The following HDAC8 variants were observed in gnomAD, a reference collection of about 807,000 sequenced individuals.
The protein encoded by HDAC8 is histone deacetylase 8, also known as histone deacetylase-like 1.
In HDAC8, 1 loss-of-function variant was observed where a neutral mutation model predicts 32.2. The observed-to-expected ratio is 0.03, with a 90% CI of 0.01 to 0.15. The LOEUF is 0.15. Among genes scored for constraint, HDAC8 ranks in the 10% least tolerant of loss-of-function variants. HDAC8 has a pLI of 1.00. For synonymous variants in HDAC8, 108 were observed against 113.9 expected (o/e 0.95, Z 0.33); for missense variants, 117 against 300.0 (o/e 0.39, Z 4.51).
intron 4 of HDAC8, among the ~76,000 whole-genome samples, chrX:72,539,417 T>G (rs1280075525): frequency 9.4e-6 from 1 of 106,623 alleles, no homozygotes; most frequent in Non-Finnish European, 1.9e-5. Flanking sequence ...TTTTTTTGTA[T>G]TTTTAGTAGA....
chrX:72,526,796 C>A (rs782592395), intron 4 of HDAC8, among the ~76,000 whole-genome samples: 2 of 111,210 alleles, frequency 1.8e-5, no homozygotes, highest in South Asian at 3.9e-4. Context: ...AGACTGGCAA[C>A]CTTAGAGTCA....
chrX:72,419,037 G>C (rs2046418390), intron 9 of HDAC8, among the ~76,000 whole-genome samples: 1 of 111,621 alleles, frequency 9.0e-6, no homozygotes, highest in South Asian at 3.7e-4. Context: ...GATTACTATA[G>C]CTTTGTATTA....
intron 4 of HDAC8, among the ~76,000 whole-genome samples, chrX:72,506,993 G>T (rs1556019357): frequency 1.8e-5 from 2 of 110,563 alleles, no homozygotes; most frequent in Admixed American, 9.6e-5. Context: ...GACTACAGGT[G>T]CATGCCACCA....
At position 72,347,843 on chromosome X, in the gene HDAC8, C is replaced by A. The variant is rs145511919; in HGVS notation, c.1111+3890G>T. On this transcript the variant is annotated intron_variant, in intron 10 of 10. Coordinates refer to ENST00000373573, the MANE Select transcript of HDAC8 (RefSeq NM_018486.3). ...CCATCTGCTCTCTAACCTGTACTTT[C>A]TTATGAACAACGACACATGCCTTCA... is the stretch of plus-strand genomic sequence containing the variant. Among the ~76,000 whole-genome samples, 961 of 112,089 alleles carry A rather than the reference C, an allele frequency of 8.6e-3. 9 individuals are homozygous for A. The highest frequency in any genetic ancestry group is 0.029 in the African/African-American group (902 of 30,830).
chrX:72,452,964 T>A lies in HDAC8; in HGVS notation c.1005+9040A>T, dbSNP rs782497588. 1.7e-4 allele frequency among the ~76,000 whole-genome samples: 19 copies of A among 109,869 alleles called. 1 individual carries two copies. The South Asian group carries it at 3.9e-3, about 22-fold the overall frequency. ...GGAGGTAAAAAAAATATGAACCTAG[T>A]GAGGAGAGAAATTAAAAATATTTTT... is the stretch of plus-strand genomic sequence containing the variant. On this transcript the variant is annotated intron_variant, in intron 9 of 10. Coordinates refer to ENST00000373573, the MANE Select transcript of HDAC8 (RefSeq NM_018486.3).
chrX:72,355,635 ATCAGCCCAAGCTTGAGTTCAGT>A (rs1190879038), intron 9 of HDAC8, among the ~76,000 whole-genome samples: 8 of 111,919 alleles, frequency 7.1e-5, no homozygotes, highest in Non-Finnish European at 1.5e-4. Flanking sequence ...TTGAGTTCAG[ATCAGCCCAAGCTTGAGTTCAGT>A]TCAGCCCACC....
In HDAC8 at chrX:72,356,221, G is replaced by C. The variant is rs185146223; in HGVS notation, c.1006-4383C>G. Among the ~76,000 whole-genome samples the C allele has an allele frequency of 5.2e-3, 578 of 111,903 alleles. 6 individuals carry two copies. Among genetic ancestry groups the C allele is most frequent in the African/African-American group, 0.018 (545 of 30,746 alleles). ...CTGAAGATCAGCACTAGCTATGGTA[G>C]CCTATACACTACCCAGAAAAAGTGA... On this transcript the variant is annotated intron_variant, in intron 9 of 10. Coordinates refer to ENST00000373573, the MANE Select transcript of HDAC8 (RefSeq NM_018486.3).
At chrX:72,522,554 T>C (rs181340508) in intron 4 of HDAC8, among the ~76,000 whole-genome samples, 1 of 112,309 alleles carries the variant, frequency 8.9e-6, no homozygotes, top group East Asian at 2.8e-4. Flanking sequence ...TACACCACAT[T>C]ATTGAGTTTT....
rs782099351 is a variant in HDAC8, at chrX:72,474,073, C to T, written c.738-9342G>A. The stretch of plus-strand genomic sequence containing the variant: ...TCCCTACAATCTCTGTATATTCAAA[C>T]TTGACCCAGATTTTATAAACACTCA... On this transcript the variant is annotated intron_variant, in intron 7 of 10. Coordinates refer to ENST00000373573, the MANE Select transcript of HDAC8 (RefSeq NM_018486.3). 4.7e-5 allele frequency: 34 copies of T among 717,169 alleles called. No individual in the cohort carries two copies. In the South Asian group the frequency reaches 2.2e-3, roughly 45 times the overall value. 59.1% of individuals were successfully genotyped at this position (717,169 alleles called of 1,213,427 possible). A position where few individuals can be genotyped will look rare whatever the true frequency, so the allele number is the denominator to read the frequency against.
intron 9 of HDAC8, among the ~76,000 whole-genome samples, chrX:72,432,681 C>T (rs1555977863): frequency 9.0e-6 from 1 of 111,004 alleles, no homozygotes. Flanking sequence ...TATCTCCACT[C>T]CCCATATGCT....
intron 9 of HDAC8, among the ~76,000 whole-genome samples, chrX:72,352,185 T>G (rs782087592): frequency 1.8e-5 from 2 of 111,489 alleles, no homozygotes; most frequent in Non-Finnish European, 3.8e-5. Context: ...TTCTCTTTCC[T>G]TAGGATCTTT....
chrX:72,487,304 G>T (rs1336614124), intron 7 of HDAC8, among the ~76,000 whole-genome samples: 1 of 111,882 alleles, frequency 8.9e-6, no homozygotes, highest in Non-Finnish European at 1.9e-5. Flanking sequence ...TTTTTATCAT[G>T]TAGTAGGAAC....
chrX:72,457,178 AAGTCTC>A (rs2047742520), intron 9 of HDAC8, among the ~76,000 whole-genome samples: 1 of 111,995 alleles, frequency 8.9e-6, no homozygotes, highest in African/African-American at 3.2e-5. Flanking sequence ...AGAAAAAAAA[AAGTCTC>A]AGTAAATTAG....
intron 9 of HDAC8, among the ~76,000 whole-genome samples, chrX:72,358,210 C>T (rs2044432363): frequency 9.0e-6 from 1 of 111,640 alleles, no homozygotes; most frequent in Non-Finnish European, 1.9e-5. Flanking sequence ...AGCCACCATG[C>T]CCGGCTCTTC....
At chrX:72,443,527 T>C (rs2047253688) in intron 9 of HDAC8, among the ~76,000 whole-genome samples, 1 of 111,758 alleles carries the variant, frequency 8.9e-6, no homozygotes, top group Non-Finnish European at 1.9e-5. Context: ...CTGGGACACA[T>C]TCAAAGCAGT....
intron 9 of HDAC8, among the ~76,000 whole-genome samples, chrX:72,454,212 A>T (rs1329705299): frequency 8.9e-6 from 1 of 112,237 alleles, no homozygotes; most frequent in Admixed American, 9.5e-5. Context: ...GTGGCTGCCT[A>T]TGTACTGAGC....
chrX:72,346,916 G>A (rs1555947122), intron 10 of HDAC8, among the ~76,000 whole-genome samples: 1 of 111,644 alleles, frequency 9.0e-6, no homozygotes, highest in Non-Finnish European at 1.9e-5. Context: ...GTAGTGTGAG[G>A]TAGGAGGGTT....
At chrX:72,567,102 G>A (rs2051822484) in intron 4 of HDAC8, among the ~76,000 whole-genome samples, 1 of 111,987 alleles carries the variant, frequency 8.9e-6, no homozygotes, top group African/African-American at 3.2e-5. Flanking sequence ...CTGAGATCGC[G>A]CAACTGCACT....
At chrX:72,469,742 T>C (rs1414930957) in intron 7 of HDAC8, among the ~76,000 whole-genome samples, 2 of 112,192 alleles carry the variant, frequency 1.8e-5, no homozygotes, top group Non-Finnish European at 3.8e-5. Flanking sequence ...ACACACTCTC[T>C]ACAGCTTGGC....
Sources: gnomAD v4.1 joint callset for allele counts (sites outside exome capture counted in the v4.1 genomes callset) on GRCh38, gnomAD v4.1.1 for gene constraint, MANE v1.5 for transcripts, NCBI Gene and HGNC (gene_info 2026-07-23, HGNC 2026-07-21) for gene names.